The following TAPBPL variants were observed in gnomAD, a reference collection of about 807,000 sequenced individuals.
The protein encoded by TAPBPL is tapasin-related protein.
TAPBPL carries 32 observed loss-of-function variants against 44.8 expected under a neutral mutation model. The observed-to-expected ratio is 0.71, with a 90% confidence interval of 0.54 to 0.96. The LOEUF is 0.96. TAPBPL is among the 40% of genes least tolerant of loss of function. The pLI, the probability that TAPBPL is intolerant of heterozygous loss-of-function variation, is 0.00. For missense variants in TAPBPL, 520 were observed against 586.6 expected (o/e 0.89, Z 1.17); for synonymous variants, 230 against 240.7 (o/e 0.96, Z 0.41).
chr12:6,465,386 G>GTATA (rs138439173), downstream of TAPBPL: 2 of 59,502 alleles, frequency 3.4e-5, no homozygotes, highest in African/African-American at 1.2e-4. Context: ...GTATATATAT[G>GTATA]TATATATATA....
intron 5 of TAPBPL, among the ~76,000 whole-genome samples, chr12:6,460,260 CTTTGT>C (rs991819375): frequency 4.0e-5 from 6 of 151,708 alleles, no homozygotes; most frequent in Admixed American, 3.3e-4. Context: ...TTTTGTTTTG[CTTTGT>C]TTTATTTTGT....
chr12:6,467,861 G>C (rs1307994809), downstream of TAPBPL, among the ~76,000 whole-genome samples: 1 of 152,270 alleles, frequency 6.6e-6, no homozygotes, highest in East Asian at 1.9e-4. Flanking sequence ...CGTGGCTTCA[G>C]AGGGTGGAAG....
chr12:6,462,992 A>C, downstream of TAPBPL: 1 of 1,550,716 alleles, frequency 6.4e-7, no homozygotes, highest in South Asian at 1.2e-5. Flanking sequence ...CGAGGGAAGA[A>C]GGAATAAAGG....
downstream of TAPBPL, among the ~76,000 whole-genome samples, chr12:6,468,177 C>A (rs926374210): frequency 6.6e-6 from 1 of 152,184 alleles, no homozygotes. Flanking sequence ...TTGCACCGTG[C>A]GCCTGGAAAA....
At position 6,460,921 on chromosome 12, in the gene TAPBPL, G is replaced by C; in HGVS notation, c.1274G>C (p.Gly425Ala). Residue 425 changes from glycine (G) to alanine (A), a missense_variant, in exon 6 of 7, where the codon GGG (glycine) becomes GCG (alanine). By Grantham distance (60) the Gly-to-Ala change is moderately conservative. Transcript: ENST00000266556. ...TTCCTTCTTGCACTGATGTTCCTGG[G>C]GCTTCAGAGACGGCAAGGTAAGAGC... ...SLFLLALMFL[G>A]LQRRQAPTGL... is the part of the protein sequence containing the mutation. 1 of 1,614,064 alleles carries C rather than the reference G, an allele frequency of 6.2e-7. No individual in the cohort carries two copies. The highest frequency in any genetic ancestry group is 8.5e-7 in the Non-Finnish European group (1 of 1,179,996).
At chr12:6,466,358 A>G (rs1418340250), downstream of TAPBPL, 1 of 1,612,442 alleles carries the variant, frequency 6.2e-7, no homozygotes, top group South Asian at 1.1e-5. Context: ...AGACCTGTGG[A>G]AAGACATGTG....
At chr12:6,467,471 T>A (rs1565528046), downstream of TAPBPL, among the ~76,000 whole-genome samples, 1 of 152,236 alleles carries the variant, frequency 6.6e-6, no homozygotes, top group Non-Finnish European at 1.5e-5. Flanking sequence ...GCAAAAAGAC[T>A]GGCAGCATTT....
At chr12:6,451,926 TGGG>T (rs1949555558), upstream of TAPBPL, 27 of 414,578 alleles carry the variant, frequency 6.5e-5, no homozygotes, top group South Asian at 6.3e-4. Context: ...TCCACTTTTT[TGGG>T]ACAGGTGGGG....
chr12:6,471,454 T>C (rs1945770737), downstream of TAPBPL, among the ~76,000 whole-genome samples: 1 of 152,110 alleles, frequency 6.6e-6, no homozygotes, highest in Non-Finnish European at 1.5e-5. This position sits in a 1 kb window ranked among gnomAD's most constrained non-coding sequence, Gnocchi z 4.0. Context: ...CCAGTGATTA[T>C]CTCCCCTCTG....
rs758936057 is a variant in TAPBPL, at chr12:6,453,708, G to A, written c.557G>A (p.Arg186Gln). 74 of 1,594,158 alleles carry A rather than the reference G, an allele frequency of 4.6e-5. 1 individual carries two copies. The highest frequency in any genetic ancestry group is 1.4e-4 in the Admixed American group (8 of 57,372). ...NLPLSPQGTVRTAVEFQVMTQ... is the reference protein window; with the variant it reads ...NLPLSPQGTVQTAVEFQVMTQ... ...CCACTGAGCCCCCAGGGGACTGTGC[G>A]AACTGCAGGTAAGAAAATGAAAAGC... Residue 186 changes from arginine to glutamine, a missense_variant, in exon 3 of 7, where the codon CGA becomes CAA. Physicochemically the swap from Arg to Gln is conservative, Grantham distance 43. Coordinates refer to ENST00000266556, the MANE Select transcript of TAPBPL (RefSeq NM_018009.5). The surrounding 1 kb of genome is among the most constrained non-coding windows in gnomAD (Gnocchi z 4.8).
intron 3 of TAPBPL, among the ~76,000 whole-genome samples, chr12:6,457,099 T>C (rs1231379128): frequency 6.6e-6 from 1 of 152,368 alleles, no homozygotes; most frequent in East Asian, 1.9e-4. Flanking sequence ...GCTACTCTAG[T>C]AGTTCTTACC....
chr12:6,456,899 C>A (rs1949716754), intron 3 of TAPBPL, among the ~76,000 whole-genome samples: 1 of 152,210 alleles, frequency 6.6e-6, no homozygotes, highest in South Asian at 2.1e-4. Flanking sequence ...GTGATCCACC[C>A]ACCTCGGCCC....
downstream of TAPBPL, chr12:6,466,044 G>A (rs1341834903): frequency 1.4e-5 from 23 of 1,613,130 alleles, no homozygotes; most frequent in Non-Finnish European, 1.9e-5. Flanking sequence ...TCCTGCCAGA[G>A]ACAGAGGAAA....
intron 3 of TAPBPL, among the ~76,000 whole-genome samples, chr12:6,456,702 G>A (rs1193886210): frequency 6.6e-6 from 1 of 151,922 alleles, no homozygotes. Flanking sequence ...GCCCAGACTG[G>A]AGTGCAATGG....
chr12:6,468,061 G>A (rs1417328025), downstream of TAPBPL, among the ~76,000 whole-genome samples: 1 of 152,212 alleles, frequency 6.6e-6, no homozygotes, highest in Admixed American at 6.5e-5. Flanking sequence ...AGGGACATGT[G>A]GGGTTGGAGC....
At chr12:6,464,923 C>T (rs772852206), downstream of TAPBPL, 43 of 1,613,880 alleles carry the variant, frequency 2.7e-5, no homozygotes, top group Admixed American at 7.2e-4. Context: ...GCACAGATGG[C>T]TCCCAGCATG....
chr12:6,464,770 A>T (rs1197576508), downstream of TAPBPL: 2 of 1,550,000 alleles, frequency 1.3e-6, no homozygotes, highest in African/African-American at 1.4e-5. Flanking sequence ...ACGATCCCAT[A>T]GCAGCGGTCT....
downstream of TAPBPL, chr12:6,465,076 G>C (rs1286184971): frequency 7.4e-7 from 1 of 1,347,298 alleles, no homozygotes; most frequent in African/African-American, 1.5e-5. Flanking sequence ...GAGACCTGCA[G>C]GCCTCTTAGA....
intron 6 of TAPBPL, 83 bp from the exon 7 acceptor site, chr12:6,461,951 A>C: frequency 9.0e-7 from 1 of 1,113,568 alleles, no homozygotes; most frequent in Non-Finnish European, 1.3e-6. Context: ...CAGGAGGCAG[A>C]TGGAAGAGGC....
Sources: allele counts gnomAD v4.1 joint callset (sites outside exome capture counted in the v4.1 genomes callset), GRCh38; gene constraint gnomAD v4.1.1; non-coding constraint Gnocchi (gnomAD v3.1); transcripts MANE v1.5; gene names NCBI Gene and HGNC (gene_info 2026-07-23, HGNC 2026-07-21).